The following CELF4 variants were observed in gnomAD, a reference collection of about 807,000 sequenced individuals.
CELF4 encodes the protein CUGBP Elav-like family member 4, also known as CUG-BP- and ETR-3-like factor 4.
A neutral mutation model predicts 59.9 loss-of-function variants in CELF4; 18 were observed. That is an observed-to-expected ratio of 0.30 (90% CI 0.21 to 0.45). CELF4 has a LOEUF of 0.45. Ranked by LOEUF, CELF4 falls within the 20% of genes least tolerant of loss-of-function variation. The pLI, the probability that CELF4 is intolerant of heterozygous loss-of-function variation, is 1.00. For synonymous variants in CELF4, 261 were observed against 267.1 expected (o/e 0.98, Z 0.22); for missense variants, 456 against 689.0 (o/e 0.66, Z 3.79).
chr18:37,330,260 A>G (rs1476759132), intron 2 of CELF4, among the ~76,000 whole-genome samples: 2 of 152,170 alleles, frequency 1.3e-5, no homozygotes, highest in Non-Finnish European at 2.9e-5. Context: ...CCAGGAGGAC[A>G]GGGTCTGAAT....
chr18:37,542,985 G>A (rs1371322612), intron 1 of CELF4, among the ~76,000 whole-genome samples: 2 of 151,990 alleles, frequency 1.3e-5, no homozygotes, highest in Admixed American at 6.6e-5. Context: ...CAATACTGAT[G>A]AGGACTCCCC....
rs986536317 is a variant in CELF4, at chr18:37,361,802, G to A, written c.370-39921C>T. ...TACCCTCGGAGATGCCCAGCCGGGG[G>A]AGCAACCTGGCCCATTAGAGCCATT... On this transcript the variant is annotated intron_variant, in intron 2 of 12. Transcript: ENST00000420428. Among the ~76,000 whole-genome samples, 4 of 150,554 alleles carry A rather than the reference G, an allele frequency of 2.7e-5. No individual in the cohort carries two copies. In the East Asian group the frequency reaches 6.0e-4, roughly 23 times the overall value.
At chr18:37,260,242 C>T (rs1009799318) in intron 10 of CELF4, among the ~76,000 whole-genome samples, 4 of 152,220 alleles carry the variant, frequency 2.6e-5, no homozygotes, top group Admixed American at 2.6e-4. Context: ...CCCAGATCCC[C>T]TGAACACTAT....
intron 2 of CELF4, among the ~76,000 whole-genome samples, chr18:37,362,173 T>C (rs2154560500): frequency 6.6e-6 from 1 of 152,206 alleles, no homozygotes; most frequent in East Asian, 1.9e-4. Flanking sequence ...AGTACAGATC[T>C]TCAACTTGGC....
At position 37,275,234 on chromosome 18, in the gene CELF4, TTTC is replaced by T; in HGVS notation, c.455_457del (p.Arg152del). On this transcript the variant is annotated inframe_deletion, in exon 4 of 13. Transcript: ENST00000420428. ...CTTGTTGAGCATGCCCACGAAGAGT[TTTC>T]TATCTTCTAGAACAAAATTAGGAGA... 6.2e-7 allele frequency: 1 copy of T among 1,613,390 alleles called. No individual in the cohort carries two copies. The highest frequency in any genetic ancestry group is 8.5e-7 in the Non-Finnish European group (1 of 1,179,808).
chr18:37,295,535 G>A (rs1252031493), intron 3 of CELF4, among the ~76,000 whole-genome samples: 1 of 152,226 alleles, frequency 6.6e-6, no homozygotes, highest in Non-Finnish European at 1.5e-5. Flanking sequence ...CATGCTGGAG[G>A]CAGGGAGGCA....
intron 10 of CELF4, among the ~76,000 whole-genome samples, chr18:37,260,302 T>C (rs1220302465): frequency 6.6e-6 from 1 of 152,254 alleles, no homozygotes; most frequent in Non-Finnish European, 1.5e-5. Flanking sequence ...TTTACCTGTT[T>C]CTTTTGAAAT....
chr18:37,324,787 G>A (rs112088946), intron 2 of CELF4, among the ~76,000 whole-genome samples: 5 of 152,300 alleles, frequency 3.3e-5, no homozygotes, highest in African/African-American at 1.2e-4. Flanking sequence ...TGATCGCATT[G>A]CTAGATCATC....
intron 2 of CELF4, among the ~76,000 whole-genome samples, chr18:37,406,800 G>A (rs1472628956): frequency 1.3e-5 from 2 of 152,130 alleles, no homozygotes; most frequent in Non-Finnish European, 2.9e-5. Context: ...AGTTGGGTAG[G>A]GCAGGTAGAG....
At chr18:37,562,694 T>G (rs1240415948) in intron 1 of CELF4, among the ~76,000 whole-genome samples, 2 of 152,204 alleles carry the variant, frequency 1.3e-5, no homozygotes, top group Admixed American at 6.5e-5. Flanking sequence ...CGGAGGCTTA[T>G]TTTATCAGGA....
chr18:37,313,663 C>T (rs2154495439), intron 3 of CELF4, among the ~76,000 whole-genome samples: 1 of 152,328 alleles, frequency 6.6e-6, no homozygotes, highest in East Asian at 1.9e-4. Flanking sequence ...TGGTGGGGCC[C>T]TTGAAGCCCT....
chr18:37,336,543 G>A (rs2097776240), intron 2 of CELF4, among the ~76,000 whole-genome samples: 1 of 152,292 alleles, frequency 6.6e-6, no homozygotes, highest in Admixed American at 6.5e-5. Flanking sequence ...GGACACCTCA[G>A]TGGGAATTTG....
chr18:37,464,829 C>T (rs1212403434), intron 2 of CELF4, among the ~76,000 whole-genome samples: 1 of 152,214 alleles, frequency 6.6e-6, no homozygotes, highest in Non-Finnish European at 1.5e-5. Context: ...CCCACACTGG[C>T]AATGCTGCCC....
chr18:37,275,135 C>T lies in CELF4; in HGVS notation c.557G>A (p.Gly186Glu). The change falls in exon 4 of 13, where the codon GGG (glycine) becomes GAG (glutamate). Residue 186 changes from glycine (G) to glutamate (E), a missense_variant. By Grantham distance (98) the Gly-to-Glu change is moderately conservative (BLOSUM62 -2). Around this residue, in one of 7 missense-constraint regions of CELF4, gnomAD observed 56 missense variants for 92.0 expected, o/e 0.61. Coordinates refer to ENST00000420428, the MANE Select transcript of CELF4 (RefSeq NM_020180.4). Reference protein sequence around the residue: ...GNIEECTILRGPDGNSKGCAF... With the variant: ...GNIEECTILREPDGNSKGCAF... ...CGCACCCTTGCTGTTGCCGTCGGGC[C>T]CGCGCAGGATGGTGCACTCCTCGAT... is the stretch of plus-strand genomic sequence containing the variant. 1 of 1,613,386 alleles carries T rather than the reference C, an allele frequency of 6.2e-7. No homozygotes were observed. The highest frequency in any genetic ancestry group is 1.1e-5 in the South Asian group (1 of 91,070).
chr18:37,425,553 TAAAAG>T (rs996168782), intron 2 of CELF4, among the ~76,000 whole-genome samples: 4 of 152,160 alleles, frequency 2.6e-5, no homozygotes, highest in African/African-American at 9.7e-5. Flanking sequence ...TTAAAAAACA[TAAAAG>T]AACGAAGGAA....
rs959077672 is a variant in CELF4, at chr18:37,487,507, C to G, written c.287-1900G>C. 2.0e-5 allele frequency among the ~76,000 whole-genome samples: 3 copies of G among 152,198 alleles called. No homozygotes were observed. In the East Asian group the frequency reaches 5.8e-4, roughly 29 times the overall value. ...CTCCTCCTCCCTCTCCCGTCCTCCT[C>G]CCTCCTGGTCACTGGCAGACTGTTA... On this transcript the variant is annotated intron_variant, in intron 1 of 12. Transcript: ENST00000420428.
At chr18:37,545,682 G>A (rs911568338) in intron 1 of CELF4, among the ~76,000 whole-genome samples, 20 of 152,090 alleles carry the variant, frequency 1.3e-4, no homozygotes, top group African/African-American at 1.9e-4. Context: ...GGAGGCAGTG[G>A]GGCAGGGGCC....
chr18:37,549,080 G>C (rs1252656387), intron 1 of CELF4, among the ~76,000 whole-genome samples: 1 of 152,212 alleles, frequency 6.6e-6, no homozygotes, highest in Non-Finnish European at 1.5e-5. Context: ...CCCAGAGCTG[G>C]TCCTGATTAT....
intron 2 of CELF4, among the ~76,000 whole-genome samples, chr18:37,458,520 T>C (rs17750143): frequency 0.084 from 12,740 of 152,306 alleles, 579 homozygotes; most frequent in East Asian, 0.14. Flanking sequence ...CCTGCTATTT[T>C]TGGGGACCAA....
Sources: allele counts gnomAD v4.1 joint callset (sites outside exome capture counted in the v4.1 genomes callset), GRCh38; gene constraint gnomAD v4.1.1; regional missense constraint gnomAD v4.1.1; transcripts MANE v1.5; gene names NCBI Gene and HGNC (gene_info 2026-07-23, HGNC 2026-07-21).